Variants in MEX3D observed in about 807,000 individuals in gnomAD.
The protein encoded by MEX3D is RNA-binding protein MEX3D.
Under a neutral mutation model 6.3 loss-of-function variants are expected in MEX3D, and 4 were observed. That is an observed-to-expected ratio of 0.64 (90% CI 0.31 to 1.46). The LOEUF (loss-of-function observed/expected upper bound fraction) is 1.46, where lower values mean the gene tolerates loss of function less well. MEX3D is among the 40% of genes most tolerant of loss of function. The pLI, the probability that MEX3D is intolerant of heterozygous loss-of-function variation, is 0.07. For synonymous variants in MEX3D, 626 were observed against 494.1 expected, an observed-to-expected ratio of 1.27 and a Z score of -3.54; for missense variants, 1,038 against 994.4, an observed-to-expected ratio of 1.04 and a Z score of -0.59.
rs1914538646 is a variant in MEX3D, at chr19:1,556,077, G to A, written c.1442C>T (p.Pro481Leu). 2 of 1,413,870 alleles carry A rather than the reference G, an allele frequency of 1.4e-6. No homozygotes were observed. The highest frequency in any genetic ancestry group is 2.7e-5 in the Admixed American group (1 of 37,074). The allele number at this position is 1,413,870 out of a possible 1,614,324, so 87.6% of individuals were successfully genotyped here. The change falls in exon 2 of 2, where the codon CCC becomes CTC. Residue 481 changes from proline (P) to leucine (L), a missense_variant. By Grantham distance (98) the Pro-to-Leu change is moderately conservative (BLOSUM62 -3). Coordinates refer to ENST00000402693, the MANE Select transcript of MEX3D (RefSeq NM_203304.4). This position sits in a 1 kb window ranked among gnomAD's most constrained non-coding sequence, Gnocchi z 7.5. ...TIWAPFERAA[P>L]LPAFSGCSTV... Reference sequence around the variant, plus strand: ...GGAGCAGCCGCTGAAGGCGGGCAAGGGGGCGGCGCGCTCAAAAGGCGCCCA... The same window carrying A: ...GGAGCAGCCGCTGAAGGCGGGCAAGAGGGCGGCGCGCTCAAAAGGCGCCCA...
Position 1,555,228 on chromosome 19 carries a change from G to C in MEX3D, c.*335C>G. 8.3e-7 allele frequency: 1 copy of C among 1,198,068 alleles called. No individual in the cohort carries two copies. The highest frequency in any genetic ancestry group is 1.1e-6 in the Non-Finnish European group (1 of 896,624). The allele number at this position is 1,198,068 out of a possible 1,614,324, so 74.2% of individuals were successfully genotyped here. On this transcript the variant is annotated 3_prime_UTR_variant, in exon 2 of 2. Transcript: ENST00000402693. ...CTGGAAAAGTCGTGTTTTTTGTTTT[G>C]CTTTTTTAAAGATCACCCTGGAGGG... is the stretch of plus-strand genomic sequence containing the variant.
chr19:1,560,224 C>T (rs1432789730), intron 1 of MEX3D, among the ~76,000 whole-genome samples: 1 of 152,246 alleles, frequency 6.6e-6, no homozygotes, highest in Non-Finnish European at 1.5e-5. Flanking sequence ...TCCTGGCAGC[C>T]ACCCTGGCAG....
chr19:1,568,324 G>A lies in MEX3D; in HGVS notation c.-266C>T, dbSNP rs1914913285. Among the ~76,000 whole-genome samples, 1 of 142,556 alleles carries A rather than the reference G, an allele frequency of 7.0e-6. No individual in the cohort carries two copies. The highest frequency in any genetic ancestry group is 2.5e-5 in the African/African-American group (1 of 39,830). 93.5% of individuals were successfully genotyped at this position (142,556 alleles called of 152,430 possible). A position where few individuals can be genotyped will look rare whatever the true frequency, so the allele number is the denominator to read the frequency against. On this transcript the variant is annotated 5_prime_UTR_variant, in exon 1 of 2. Coordinates refer to ENST00000402693, the MANE Select transcript of MEX3D (RefSeq NM_203304.4). The stretch of plus-strand genomic sequence containing the variant: ...CTCCTCGGCGGCCGAGGCGGCGGCG[G>A]CGGCGCGGGACGCTCCTTCCCTCCC...
At chr19:1,557,952 GCTGAGGCAGAACCGC>G (rs1914619040) in intron 1 of MEX3D, among the ~76,000 whole-genome samples, 1 of 148,160 alleles carries the variant, frequency 6.7e-6, no homozygotes, top group African/African-American at 2.5e-5. Context: ...ACTGGGGAGG[GCTGAGGCAGAACCGC>G]CTGAACTCAG....
Position 1,567,399 on chromosome 19 carries a change from C to T in MEX3D, c.595+65G>A. ...GCGGGCTGGGCTGGGCTCGGGCGAC[C>T]CCCTTCCCCGGGGCGGACGGTGCGG... is the stretch of plus-strand genomic sequence containing the variant. On this transcript the variant is annotated intron_variant, in intron 1 of 1. Coordinates refer to ENST00000402693, the MANE Select transcript of MEX3D (RefSeq NM_203304.4). The surrounding 1 kb of genome is among the most constrained non-coding windows in gnomAD (Gnocchi z 6.5). The T allele has an allele frequency of 6.8e-7, 1 of 1,475,016 alleles. No individual in the cohort carries two copies. Among genetic ancestry groups the T allele is most frequent in the South Asian group, 1.3e-5 (1 of 76,498 alleles). The allele number at this position is 1,475,016 out of a possible 1,614,324, so 91.4% of individuals were successfully genotyped here.
Position 1,556,718 on chromosome 19 carries a change from C to T in MEX3D, c.801G>A (p.Pro267=), listed in dbSNP as rs1425440572. 1.2e-6 allele frequency: 2 copies of T among 1,611,054 alleles called. No individual in the cohort carries two copies. Among genetic ancestry groups the T allele is most frequent in the Non-Finnish European group, 1.7e-6 (2 of 1,179,006 alleles). ...TGGTGGTCTGTCCGGGAAGGTTGGG[C>T]GGGCCCTGGGCGGCGCCGGGCAGAC... ...AGGLPGAAQG[P]PNLPGQTTIQ... The change falls in exon 2 of 2, where the codon CCG becomes CCA. Residue 267 remains proline, a synonymous_variant. Coordinates refer to ENST00000402693, the MANE Select transcript of MEX3D (RefSeq NM_203304.4). The surrounding 1 kb of genome is among the most constrained non-coding windows in gnomAD (Gnocchi z 7.5).
chr19:1,560,743 G>A (rs1198084606), intron 1 of MEX3D, among the ~76,000 whole-genome samples: 1 of 152,154 alleles, frequency 6.6e-6, no homozygotes, highest in Non-Finnish European at 1.5e-5. Flanking sequence ...GGCGCTGGGT[G>A]GAGACCTCAC....
intron 1 of MEX3D, among the ~76,000 whole-genome samples, chr19:1,561,985 G>GT (rs1289686697): frequency 6.6e-6 from 1 of 151,808 alleles, no homozygotes; most frequent in Non-Finnish European, 1.5e-5. Context: ...GGTGTGGCCG[G>GT]GCACGGTGGC....
chr19:1,564,476 T>C, intron 1 of MEX3D, among the ~76,000 whole-genome samples: 1 of 140,210 alleles, frequency 7.1e-6, no homozygotes, highest in Non-Finnish European at 1.5e-5. Context: ...GAGCTTGCAG[T>C]GAACCGGGAT....
chr19:1,567,999 G>A lies in MEX3D; in HGVS notation c.60C>T (p.Gly20=). The stretch of plus-strand genomic sequence containing the variant: ...CGGGGTCCTCCCCCGCCGCCCCCAC[G>A]CCGCCGCCGCCGCCGCCCCCGCCCC... ...GGGGGGGGGG[G]VGAAGEDPGP... is the part of the protein sequence containing the mutation. Residue 20 remains glycine, a synonymous_variant, in exon 1 of 2, where the codon GGC becomes GGT. Coordinates refer to ENST00000402693, the MANE Select transcript of MEX3D (RefSeq NM_203304.4). The surrounding 1 kb of genome is among the most constrained non-coding windows in gnomAD (Gnocchi z 6.5). 1 of 969,614 alleles carries A rather than the reference G, an allele frequency of 1.0e-6. No individual in the cohort carries two copies. The highest frequency in any genetic ancestry group is 1.2e-6 in the Non-Finnish European group (1 of 820,308). 60.1% of individuals were successfully genotyped at this position (969,614 alleles called of 1,614,324 possible).
In MEX3D at chr19:1,556,562, C is replaced by T; in HGVS notation, c.957G>A (p.Ala319=). Residue 319 remains alanine (A), a synonymous_variant, in exon 2 of 2, where the codon GCG becomes GCA. Coordinates refer to ENST00000402693, the MANE Select transcript of MEX3D (RefSeq NM_203304.4). This position sits in a 1 kb window ranked among gnomAD's most constrained non-coding sequence, Gnocchi z 7.5. ...CCACGTTCTCGGGCATCCCAGTGACCGCGAACACCGGCTCCTTGTCGCGCC... is the reference window on the plus strand; with the variant it reads ...CCACGTTCTCGGGCATCCCAGTGACTGCGAACACCGGCTCCTTGTCGCGCC... ...TPGRDKEPVF[A]VTGMPENVDR... 2 of 1,608,466 alleles carry T rather than the reference C, an allele frequency of 1.2e-6. No homozygotes were observed. The highest frequency in any genetic ancestry group is 1.7e-6 in the Non-Finnish European group (2 of 1,178,290).
Position 1,567,414 on chromosome 19 carries a change from G to A in MEX3D, c.595+50C>T. On this transcript the variant is annotated intron_variant, in intron 1 of 1. Coordinates refer to ENST00000402693, the MANE Select transcript of MEX3D (RefSeq NM_203304.4). The surrounding 1 kb of genome is among the most constrained non-coding windows in gnomAD (Gnocchi z 6.5). ...CTCGGGCGACCCCCTTCCCCGGGGC[G>A]GACGGTGCGGGGACCCCCAGGACAG... 1.1e-5 allele frequency: 16 copies of A among 1,507,080 alleles called. No homozygotes were observed. Among genetic ancestry groups the A allele is most frequent in the Non-Finnish European group, 1.4e-5 (16 of 1,132,512 alleles). 93.4% of individuals were successfully genotyped at this position (1,507,080 alleles called of 1,614,324 possible).
intron 1 of MEX3D, among the ~76,000 whole-genome samples, chr19:1,563,220 G>A (rs1914762385): frequency 6.6e-6 from 1 of 152,178 alleles, no homozygotes; most frequent in South Asian, 2.1e-4. Context: ...GAAAACCTGG[G>A]GCCTGCGGGG....
At position 1,568,222 on chromosome 19, in the gene MEX3D, GGGGCC is replaced by G. The variant is rs962555216; in HGVS notation, c.-169_-165del. ...GGGCGGCGGCGGCGCGGGGCTGCTC[GGGGCC>G]GGGCCGGGCCGGGCCGGGCGGCGGC... is the stretch of plus-strand genomic sequence containing the variant. On this transcript the variant is annotated 5_prime_UTR_variant, in exon 1 of 2. Transcript: ENST00000402693. Among the ~76,000 whole-genome samples, 308 of 141,308 alleles carry G rather than the reference GGGGCC, an allele frequency of 2.2e-3. No homozygotes were observed. Among genetic ancestry groups the G allele is most frequent in the Non-Finnish European group, 2.7e-3 (170 of 63,880 alleles). The allele number at this position is 141,308 out of a possible 152,430, so 92.7% of individuals were successfully genotyped here.
Position 1,556,125 on chromosome 19 carries a change from G to A in MEX3D, c.1394C>T (p.Thr465Ile), listed in dbSNP as rs1400172416. The change falls in exon 2 of 2, where the codon ACC (threonine) becomes ATC (isoleucine). Residue 465 changes from threonine to isoleucine, a missense_variant. Physicochemically the swap from Thr to Ile is moderately conservative, Grantham distance 89. Coordinates refer to ENST00000402693, the MANE Select transcript of MEX3D (RefSeq NM_203304.4). The surrounding 1 kb of genome is among the most constrained non-coding windows in gnomAD (Gnocchi z 7.5). ...FDFDFLALDL[T>I]VPAAATIWAP... is the part of the protein sequence containing the mutation. Reference sequence around the variant, plus strand: ...CCAGATGGTGGCCGCGGCGGGCACGGTCAGGTCCAGCGCCAGGAAGTCGAA... The same window carrying A: ...CCAGATGGTGGCCGCGGCGGGCACGATCAGGTCCAGCGCCAGGAAGTCGAA... 6.8e-6 allele frequency: 10 copies of A among 1,464,022 alleles called. No homozygotes were observed. Among genetic ancestry groups the A allele is most frequent in the Non-Finnish European group, 4.5e-6 (5 of 1,107,822 alleles). 90.7% of individuals were successfully genotyped at this position (1,464,022 alleles called of 1,614,324 possible). A position where few individuals can be genotyped will look rare whatever the true frequency, so the allele number is the denominator to read the frequency against.
intron 1 of MEX3D, among the ~76,000 whole-genome samples, chr19:1,565,451 A>G: frequency 6.6e-6 from 1 of 152,192 alleles, no homozygotes; most frequent in South Asian, 2.1e-4. Flanking sequence ...CTGAGGCAGG[A>G]GAACTGCTTG....
chr19:1,558,544 G>T (rs1914637496), intron 1 of MEX3D, among the ~76,000 whole-genome samples: 1 of 152,098 alleles, frequency 6.6e-6, no homozygotes, highest in South Asian at 2.1e-4. Flanking sequence ...TTACAGAAAT[G>T]AGAGAGGAGA....
Position 1,555,380 on chromosome 19 carries a change from G to A in MEX3D, c.*183C>T, listed in dbSNP as rs753344330. ...GGCGCCGCCGGGCTGCGGGGTCTCC[G>A]TCTCCACGCCTGAGGCGGCAGTTAA... On this transcript the variant is annotated 3_prime_UTR_variant, in exon 2 of 2. Coordinates refer to ENST00000402693, the MANE Select transcript of MEX3D (RefSeq NM_203304.4). 1 of 1,601,200 alleles carries A rather than the reference G, an allele frequency of 6.2e-7. No homozygotes were observed. The highest frequency in any genetic ancestry group is 8.5e-7 in the Non-Finnish European group (1 of 1,173,316).
Position 1,567,696 on chromosome 19 carries a change from G to T in MEX3D, c.363C>A (p.Pro121=). ...APPTLAPAVA[P]GSLPLLDPNA... is the part of the protein sequence containing the mutation. The stretch of plus-strand genomic sequence containing the variant: ...TGGGGTCCAGCAGCGGCAGCGACCC[G>T]GGGGCCACGGCGGGGGCCAGGGTCG... The change falls in exon 1 of 2, where the codon CCC becomes CCA. Residue 121 remains proline (P), a synonymous_variant. Transcript: ENST00000402693. The surrounding 1 kb of genome is among the most constrained non-coding windows in gnomAD (Gnocchi z 6.5). The T allele has an allele frequency of 9.3e-7, 1 of 1,080,648 alleles. No homozygotes were observed. Among genetic ancestry groups the T allele is most frequent in the Non-Finnish European group, 1.1e-6 (1 of 881,634 alleles). The allele number at this position is 1,080,648 out of a possible 1,614,324, so 66.9% of individuals were successfully genotyped here.
Sources: allele counts gnomAD v4.1 joint callset (sites outside exome capture counted in the v4.1 genomes callset), GRCh38; gene constraint gnomAD v4.1.1; non-coding constraint Gnocchi (gnomAD v3.1); transcripts MANE v1.5; gene names NCBI Gene and HGNC (gene_info 2026-07-23, HGNC 2026-07-21).